Variants in FBXL20 observed in about 807,000 individuals in gnomAD.
FBXL20 encodes the protein F-box and leucine rich repeat protein 20, also known as F-box/LRR-repeat protein 20.
FBXL20 carries 11 observed loss-of-function variants against 64.0 expected under a neutral mutation model. The ratio of observed to expected loss-of-function variants is 0.17; its 90% CI spans 0.11 to 0.28. The LOEUF (loss-of-function observed/expected upper bound fraction) is 0.28, where lower values mean the gene tolerates loss of function less well. Among genes scored for constraint, FBXL20 ranks in the 10% least tolerant of loss-of-function variants. FBXL20 has a pLI of 1.00. For synonymous variants in FBXL20, 184 were observed against 189.0 expected (o/e 0.97, Z 0.22); for missense variants, 303 against 526.2 (o/e 0.58, Z 4.15).
intron 1 of FBXL20, among the ~76,000 whole-genome samples, chr17:39,387,090 T>C (rs1244110649): frequency 6.6e-6 from 1 of 152,172 alleles, no homozygotes; most frequent in Non-Finnish European, 1.5e-5. Flanking sequence ...CTGCAATGAG[T>C]ACACGCACAA....
At chr17:39,287,829 C>T (rs543476073) in intron 6 of FBXL20, among the ~76,000 whole-genome samples, 5 of 152,252 alleles carry the variant, frequency 3.3e-5, no homozygotes, top group African/African-American at 1.2e-4. Context: ...TTTACATTCC[C>T]GCCAGAAATT....
At chr17:39,316,183 T>C (rs2047289734) in intron 2 of FBXL20, among the ~76,000 whole-genome samples, 1 of 152,104 alleles carries the variant, frequency 6.6e-6, no homozygotes, top group Admixed American at 6.6e-5. Context: ...TTATGCAGTG[T>C]TGGATTGGAA....
intron 6 of FBXL20, among the ~76,000 whole-genome samples, chr17:39,291,204 C>A (rs561386425): frequency 1.3e-5 from 2 of 152,052 alleles, no homozygotes; most frequent in Non-Finnish European, 2.9e-5. Flanking sequence ...CTCGTGATCA[C>A]CCGCCTCAGC....
chr17:39,384,377 T>G (rs1444015450), intron 1 of FBXL20, among the ~76,000 whole-genome samples: 1 of 151,514 alleles, frequency 6.6e-6, no homozygotes, highest in Non-Finnish European at 1.5e-5. Context: ...ATACAAAAAT[T>G]AGCTGGGAGT....
chr17:39,319,700 T>A (rs911601287), intron 2 of FBXL20, among the ~76,000 whole-genome samples: 88 of 101,202 alleles, frequency 8.7e-4, no homozygotes, highest in African/African-American at 1.0e-3. Context: ...AAAAAAACTA[T>A]AGCAGAGGGC....
At chr17:39,366,692 C>T (rs1241155119) in intron 1 of FBXL20, among the ~76,000 whole-genome samples, 1 of 152,162 alleles carries the variant, frequency 6.6e-6, no homozygotes, top group Non-Finnish European at 1.5e-5. Context: ...CTGAAGATAT[C>T]TGAAGACACT....
intron 3 of FBXL20, among the ~76,000 whole-genome samples, 173 bp from the exon 4 acceptor site, chr17:39,301,248 C>A (rs1941521408): frequency 6.6e-6 from 1 of 152,150 alleles, no homozygotes; most frequent in East Asian, 1.9e-4. Flanking sequence ...ATATTGTATT[C>A]TCCAATTAGA....
chr17:39,307,814 T>C (rs1455342311), intron 2 of FBXL20, among the ~76,000 whole-genome samples: 1 of 151,592 alleles, frequency 6.6e-6, no homozygotes, highest in Non-Finnish European at 1.5e-5. Context: ...CTACTAATAA[T>C]ACAAAAACTA....
intron 1 of FBXL20, among the ~76,000 whole-genome samples, chr17:39,368,677 A>G (rs2144630294): frequency 6.6e-6 from 1 of 152,220 alleles, no homozygotes; most frequent in South Asian, 2.1e-4. Flanking sequence ...TTTTATTGAG[A>G]TGGTGTCTCG....
At chr17:39,287,407 CCT>C (rs904459511) in intron 6 of FBXL20, among the ~76,000 whole-genome samples, 2 of 151,864 alleles carry the variant, frequency 1.3e-5, no homozygotes, top group Admixed American at 1.3e-4. Context: ...GTTTTCATTT[CCT>C]TTTTCTTTTT....
At chr17:39,378,704 G>A (rs1186381185) in intron 1 of FBXL20, among the ~76,000 whole-genome samples, 1 of 151,466 alleles carries the variant, frequency 6.6e-6, no homozygotes, top group Non-Finnish European at 1.5e-5. Flanking sequence ...CTGTCTCTTG[G>A]GTTCACGCCA....
intron 1 of FBXL20, among the ~76,000 whole-genome samples, chr17:39,392,372 G>A (rs1242677896): frequency 6.6e-6 from 1 of 151,344 alleles, no homozygotes; most frequent in Non-Finnish European, 1.5e-5. Context: ...CCTGGGAGGC[G>A]GAGGTTGCAG....
At chr17:39,326,879 T>C (rs1239227153) in intron 2 of FBXL20, among the ~76,000 whole-genome samples, 1 of 149,704 alleles carries the variant, frequency 6.7e-6, no homozygotes, top group Non-Finnish European at 1.5e-5. Flanking sequence ...CCTCCTGTCT[T>C]GGCTTTTTTT....
chr17:39,309,486 C>A (rs1484625663), intron 2 of FBXL20, among the ~76,000 whole-genome samples: 5 of 152,108 alleles, frequency 3.3e-5, no homozygotes, highest in Admixed American at 6.6e-5. Context: ...TCTGTACCTG[C>A]TGTTTGTCTA....
intron 2 of FBXL20, among the ~76,000 whole-genome samples, chr17:39,338,234 T>C (rs1456553960): frequency 6.6e-6 from 1 of 152,232 alleles, no homozygotes; most frequent in African/African-American, 2.4e-5. Context: ...ATCTGTGACC[T>C]TACCCCCAAC....
intron 1 of FBXL20, among the ~76,000 whole-genome samples, chr17:39,396,506 G>A (rs1028540901): frequency 2.0e-5 from 3 of 150,808 alleles, no homozygotes; most frequent in Non-Finnish European, 2.9e-5. Flanking sequence ...TGAGGCAGGA[G>A]AATCGCTTGA....
chr17:39,350,660 G>A (rs747460606), intron 1 of FBXL20, among the ~76,000 whole-genome samples: 1 of 152,146 alleles, frequency 6.6e-6, no homozygotes, highest in Non-Finnish European at 1.5e-5. Flanking sequence ...GCCATTATGT[G>A]TAAGACATCT....
intron 3 of FBXL20, among the ~76,000 whole-genome samples, chr17:39,302,936 G>C (rs1325326976): frequency 1.3e-5 from 2 of 151,094 alleles, no homozygotes; most frequent in African/African-American, 2.4e-5. Flanking sequence ...TTTTGAGACA[G>C]AGTCTCGCTC....
chr17:39,313,286 T>A (rs1256390675), intron 2 of FBXL20, among the ~76,000 whole-genome samples: 1 of 151,448 alleles, frequency 6.6e-6, no homozygotes, highest in Admixed American at 6.6e-5. Context: ...CAGGCTGGGG[T>A]GCAATGGCGC....
Sources: allele counts gnomAD v4.1 joint callset (sites outside exome capture counted in the v4.1 genomes callset), GRCh38; gene constraint gnomAD v4.1.1; transcripts MANE v1.5; gene names NCBI Gene and HGNC (gene_info 2026-07-23, HGNC 2026-07-21).